The following WWOX variants were observed in gnomAD, a reference collection of about 807,000 sequenced individuals.
WWOX encodes WW domain-containing oxidoreductase.
A neutral mutation model predicts 46.2 loss-of-function variants in WWOX; 69 were observed. That is an observed-to-expected ratio of 1.49 (90% confidence interval 1.23 to 1.82). The LOEUF (loss-of-function observed/expected upper bound fraction) is 1.82, where lower values mean the gene tolerates loss of function less well. Among genes scored for constraint, WWOX ranks in the 40% most tolerant of loss-of-function variants. WWOX has a pLI of 0.00. For missense variants in WWOX, 919 were observed against 542.6 expected, an observed-to-expected ratio of 1.69 and a Z score of -6.89; for synonymous variants, 359 against 202.6, an observed-to-expected ratio of 1.77 and a Z score of -6.56.
chr16:78,766,269 G>A (rs1357870747), intron 8 of WWOX, among the ~76,000 whole-genome samples: 3 of 152,158 alleles, frequency 2.0e-5, no homozygotes, highest in Non-Finnish European at 2.9e-5. Context: ...CTTGCTCTTC[G>A]TCATCTCTCC....
At chr16:79,196,749 G>T (rs1043886259) in intron 8 of WWOX, among the ~76,000 whole-genome samples, 2 of 151,854 alleles carry the variant, frequency 1.3e-5, no homozygotes, top group African/African-American at 4.8e-5. Flanking sequence ...CAAATTATTT[G>T]TTACAACATG....
At chr16:79,113,382 C>A (rs893728118) in intron 8 of WWOX, among the ~76,000 whole-genome samples, 1 of 152,222 alleles carries the variant, frequency 6.6e-6, no homozygotes, top group African/African-American at 2.4e-5. Context: ...GGAGTACTTA[C>A]CCACCAGATC....
intron 8 of WWOX, among the ~76,000 whole-genome samples, chr16:78,954,624 G>A (rs2046128219): frequency 6.6e-6 from 1 of 152,080 alleles, no homozygotes; most frequent in Non-Finnish European, 1.5e-5. Flanking sequence ...GAACAAATAA[G>A]ATACAGACCT....
At chr16:78,173,597 C>G (rs1043668029) in intron 5 of WWOX, among the ~76,000 whole-genome samples, 21 of 152,106 alleles carry the variant, frequency 1.4e-4, no homozygotes, top group African/African-American at 4.8e-4. Flanking sequence ...CGTGCCTGGC[C>G]TTAGTCATCT....
intron 8 of WWOX, among the ~76,000 whole-genome samples, chr16:78,719,581 A>G (rs2048645561): frequency 6.6e-6 from 1 of 152,230 alleles, no homozygotes; most frequent in Non-Finnish European, 1.5e-5. Context: ...TTACCTTAAA[A>G]GAAAAGAGAC....
chr16:78,838,362 A>G (rs2052048172), intron 8 of WWOX, among the ~76,000 whole-genome samples: 1 of 152,220 alleles, frequency 6.6e-6, no homozygotes, highest in Non-Finnish European at 1.5e-5. Context: ...GCGCTCCTGC[A>G]TGTTGATTCT....
At chr16:78,657,232 G>A (rs1210681962) in intron 8 of WWOX, among the ~76,000 whole-genome samples, 3 of 152,076 alleles carry the variant, frequency 2.0e-5, no homozygotes, top group African/African-American at 7.2e-5. Context: ...CACCCCTTTT[G>A]TTTTCATTGC....
At chr16:78,364,512 T>C (rs867148128) in intron 5 of WWOX, among the ~76,000 whole-genome samples, 1 of 152,068 alleles carries the variant, frequency 6.6e-6, no homozygotes, top group African/African-American at 2.4e-5. Flanking sequence ...TATATAATTT[T>C]GTTTTCTCCC....
chr16:78,188,519 G>A (rs988895693), intron 5 of WWOX, among the ~76,000 whole-genome samples: 5 of 151,332 alleles, frequency 3.3e-5, no homozygotes, highest in South Asian at 2.1e-4. Context: ...TAGATTGTTT[G>A]CCTCAGTTGG....
intron 8 of WWOX, among the ~76,000 whole-genome samples, chr16:78,774,906 A>G (rs986269563): frequency 2.6e-5 from 4 of 152,148 alleles, no homozygotes; most frequent in African/African-American, 9.7e-5. Flanking sequence ...ATGGAACGTC[A>G]CCGTTGCCCA....
chr16:78,829,980 A>G (rs149447392), intron 8 of WWOX, among the ~76,000 whole-genome samples: 7 of 152,312 alleles, frequency 4.6e-5, no homozygotes, highest in Non-Finnish European at 8.8e-5. Flanking sequence ...CTTTGGGGCC[A>G]GACACAGTGG....
intron 8 of WWOX, among the ~76,000 whole-genome samples, chr16:78,678,391 A>G (rs1555514486): frequency 6.6e-6 from 1 of 152,200 alleles, no homozygotes; most frequent in Non-Finnish European, 1.5e-5. Flanking sequence ...ATATTTATCT[A>G]TATTGAGTGA....
chr16:79,013,298 G>T (rs957347636), intron 8 of WWOX, among the ~76,000 whole-genome samples: 38 of 152,074 alleles, frequency 2.5e-4, no homozygotes, highest in Admixed American at 5.2e-4. Context: ...GTCCTCATGC[G>T]CTCTGATCTG....
intron 8 of WWOX, among the ~76,000 whole-genome samples, chr16:78,888,311 C>T (rs1171071454): frequency 6.6e-6 from 1 of 152,198 alleles, no homozygotes; most frequent in African/African-American, 2.4e-5. Context: ...GAGGAGAAAG[C>T]TTTCCTTGAT....
At chr16:78,701,316 A>T (rs1353730287) in intron 8 of WWOX, among the ~76,000 whole-genome samples, 1 of 152,200 alleles carries the variant, frequency 6.6e-6, no homozygotes, top group Non-Finnish European at 1.5e-5. Flanking sequence ...AGCTTAAGTG[A>T]TCCTCTTGCC....
chr16:78,421,842 G>T (rs775871536), intron 6 of WWOX, among the ~76,000 whole-genome samples: 1 of 152,082 alleles, frequency 6.6e-6, no homozygotes, highest in East Asian at 1.9e-4. Flanking sequence ...AATTTTTGCT[G>T]CCCCTGCTAC....
chr16:78,308,270 A>C (rs1367991530), intron 5 of WWOX, among the ~76,000 whole-genome samples: 1 of 152,084 alleles, frequency 6.6e-6, no homozygotes, highest in Non-Finnish European at 1.5e-5. Flanking sequence ...ATAAATTCTA[A>C]GCTCCCCAAG....
rs71376394 is a variant in WWOX, at chr16:78,802,915, G to GAAAAAAAAAAAAA, written c.1056+370178_1056+370190dup. 1.9e-3 allele frequency among the ~76,000 whole-genome samples: 20 copies of GAAAAAAAAAAAAA among 10,448 alleles called. 2 individuals are homozygous for GAAAAAAAAAAAAA. The highest frequency in any genetic ancestry group is 2.6e-3 in the Non-Finnish European group (14 of 5,384). 6.9% of individuals were successfully genotyped at this position (10,448 alleles called of 152,430 possible). A position where few individuals can be genotyped will look rare whatever the true frequency, so the allele number is the denominator to read the frequency against. On this transcript the variant is annotated intron_variant, in intron 8 of 8. Coordinates refer to ENST00000566780, the MANE Select transcript of WWOX (RefSeq NM_016373.4). Reference sequence around the variant, plus strand: ...TGGGTCACAGAGCAAGACTTCATCTGAAAAAAAAAAAAAAAAAAAAAAAAA... The same window carrying GAAAAAAAAAAAAA: ...TGGGTCACAGAGCAAGACTTCATCTGAAAAAAAAAAAAAAAAAAAAAAAAAAAAAAAAAAAAAA...
intron 8 of WWOX, among the ~76,000 whole-genome samples, chr16:78,827,964 G>A (rs1237165387): frequency 2.0e-5 from 3 of 152,172 alleles, no homozygotes; most frequent in African/African-American, 7.2e-5. Context: ...TGACATGACT[G>A]GGGACAGAGT....
Sources: allele counts gnomAD v4.1 joint callset (sites outside exome capture counted in the v4.1 genomes callset), GRCh38; gene constraint gnomAD v4.1.1; transcripts MANE v1.5; gene names NCBI Gene and HGNC (gene_info 2026-07-23, HGNC 2026-07-21).